Variants in ECHDC2 observed in about 807,000 individuals in gnomAD.
ECHDC2 encodes enoyl-CoA hydratase domain-containing protein 2, mitochondrial.
Under a neutral mutation model 40.6 loss-of-function variants are expected in ECHDC2, and 34 were observed. That is an observed-to-expected ratio of 0.84 (90% CI 0.64 to 1.11). ECHDC2 has a LOEUF of 1.11. ECHDC2 is among the 50% of genes most tolerant of loss of function. ECHDC2 has a pLI of 0.00. For missense variants in ECHDC2, 392 were observed against 400.7 expected, an observed-to-expected ratio of 0.98 and a Z score of 0.19; for synonymous variants, 162 against 166.6, an observed-to-expected ratio of 0.97 and a Z score of 0.21.
chr1:52,897,047 G>C (rs972013328), intron 9 of ECHDC2: 4 of 312,156 alleles, frequency 1.3e-5, no homozygotes, highest in South Asian at 6.4e-5. Context: ...AGATTTAATA[G>C]GTCAGTCCCA....
At chr1:52,911,702 C>CT (rs776049953) in intron 2 of ECHDC2, 21 bp downstream of exon 2, 1 of 1,614,202 alleles carries the variant, frequency 6.2e-7, no homozygotes, top group South Asian at 1.1e-5. Context: ...CCAGCCCACC[C>CT]TGGCGCCCGC....
At chr1:52,905,175 C>A in intron 5 of ECHDC2, 85 bp from the exon 6 acceptor site, 1 of 1,440,938 alleles carries the variant, frequency 6.9e-7, no homozygotes, top group Non-Finnish European at 9.6e-7. Context: ...CCTCTGCTGT[C>A]TACTCGCCCC....
chr1:52,897,661 C>G (rs1381155930), intron 8 of ECHDC2, 177 bp from the exon 9 acceptor site: 1 of 668,782 alleles, frequency 1.5e-6, no homozygotes. Flanking sequence ...CTGGGAGAAA[C>G]GAGACAGACT....
At chr1:52,919,099 T>A (rs900633880) in intron 1 of ECHDC2, among the ~76,000 whole-genome samples, 1 of 152,130 alleles carries the variant, frequency 6.6e-6, no homozygotes, top group African/African-American at 2.4e-5. Context: ...TGCCTGATGA[T>A]CTGAGGTGGA....
At chr1:52,913,191 TG>T (rs1342297464) in intron 1 of ECHDC2, 3 of 152,208 alleles carry the variant, frequency 2.0e-5, no homozygotes, top group Non-Finnish European at 4.4e-5. Flanking sequence ...TTTTGCTAAC[TG>T]CACAATCACG....
chr1:52,899,877 T>G (rs1646879219), intron 7 of ECHDC2: 1 of 152,348 alleles, frequency 6.6e-6, no homozygotes, highest in Admixed American at 6.5e-5. Context: ...GTCACTGGCC[T>G]TGGTTCCACA....
At chr1:52,909,178 C>T (rs549623321) in intron 3 of ECHDC2, among the ~76,000 whole-genome samples, 1 of 152,150 alleles carries the variant, frequency 6.6e-6, no homozygotes, top group Admixed American at 6.5e-5. Flanking sequence ...GGAGTGTAAA[C>T]CCATGCAGCT....
chr1:52,921,584 G>T lies in ECHDC2; in HGVS notation c.90C>A (p.Ile30=). Reference sequence around the variant, plus strand: ...CCGGACCCGCCAGGGCGCGCACTTGGATCTCTGAGCCCCCGGCCGCCCCGT... The same window carrying T: ...CCGGACCCGCCAGGGCGCGCACTTGTATCTCTGAGCCCCCGGCCGCCCCGT... ...ASDGAAGGSE[I]QVRALAGPDQ... Residue 30 remains isoleucine (I), a synonymous_variant, in exon 1 of 10, where the codon ATC becomes ATA. Transcript: ENST00000371522. The T allele has an allele frequency of 6.2e-7, 1 of 1,609,000 alleles. No individual in the cohort carries two copies. The highest frequency in any genetic ancestry group is 8.5e-7 in the Non-Finnish European group (1 of 1,178,338).
chr1:52,921,446 C>G (rs1399489727), intron 1 of ECHDC2, 107 bp downstream of exon 1: 1 of 1,452,510 alleles, frequency 6.9e-7, no homozygotes, highest in African/African-American at 1.4e-5. Flanking sequence ...GAGGGAGGGA[C>G]TGGGGATCGA....
chr1:52,897,713 G>T, intron 8 of ECHDC2: 3 of 596,954 alleles, frequency 5.0e-6, no homozygotes, highest in South Asian at 1.9e-5. Flanking sequence ...TTCCCATCCG[G>T]CTGCCTCACC....
rs111401025 is a variant in ECHDC2, at chr1:52,905,027, C to T, written c.514+7G>A. 64 of 1,614,138 alleles carry T rather than the reference C, an allele frequency of 4.0e-5. 4 individuals carry two copies. Among genetic ancestry groups the T allele is most frequent in the African/African-American group, 3.3e-4 (25 of 75,032 alleles). On this transcript the variant is annotated splice_region_variant and intron_variant, in intron 6 of 9. Coordinates refer to ENST00000371522, the MANE Select transcript of ECHDC2 (RefSeq NM_001198961.2). ...TGGAATTGGGCGGGTGCTGTAGTTG[C>T]GATTACCTGCCCCCGGGAGGAGCCC... is the stretch of plus-strand genomic sequence containing the variant.
At chr1:52,917,685 C>T (rs1478280664) in intron 1 of ECHDC2, 2 of 455,826 alleles carry the variant, frequency 4.4e-6, no homozygotes, top group African/African-American at 4.0e-5. Flanking sequence ...TGGTCAGCTA[C>T]AGACCACATA....
intron 3 of ECHDC2, among the ~76,000 whole-genome samples, chr1:52,910,201 CT>C (rs1649040687): frequency 6.6e-6 from 1 of 151,734 alleles, no homozygotes; most frequent in Non-Finnish European, 1.5e-5. Context: ...TCTGAACAGG[CT>C]GAGTTTGTTT....
chr1:52,906,449 C>T, intron 5 of ECHDC2, 70 bp downstream of exon 5: 1 of 1,289,038 alleles, frequency 7.8e-7, no homozygotes, highest in Non-Finnish European at 1.1e-6. Flanking sequence ...GCAGAATGTC[C>T]AGACTCACCC....
chr1:52,896,973 C>T (rs1258561876), intron 9 of ECHDC2: 3 of 295,970 alleles, frequency 1.0e-5, no homozygotes, highest in Non-Finnish European at 1.9e-5. Context: ...CCCAGGACCC[C>T]TTAGGAGTAT....
rs1162296382 is a variant in ECHDC2, at chr1:52,897,457, C to CA, written c.780dup (p.Glu261Ter). 13 of 1,614,228 alleles carry CA rather than the reference C, an allele frequency of 8.1e-6. No homozygotes were observed. The highest frequency in any genetic ancestry group is 1.1e-5 in the Non-Finnish European group (13 of 1,180,036). On this transcript the variant is annotated frameshift_variant, in exon 9 of 10. Transcript: ENST00000371522. LOFTEE classifies it high-confidence loss of function. ...CATACCTGGGCATAGCACATCCCTT[C>CA]AATGGCCATCCCAGATGCAATGTCC...
chr1:52,920,555 G>A lies in ECHDC2; in HGVS notation c.121+998C>T. On this transcript the variant is annotated intron_variant, in intron 1 of 9. Coordinates refer to ENST00000371522, the MANE Select transcript of ECHDC2 (RefSeq NM_001198961.2). The stretch of plus-strand genomic sequence containing the variant: ...TAAAATGGAAGGCCACGGGGAAGGG[G>A]CCCTTGGCCACAAGTGGAATTAAGA... 4 of 1,404,168 alleles carry A rather than the reference G, an allele frequency of 2.8e-6. No individual in the cohort carries two copies. In the South Asian group the frequency reaches 4.7e-5, roughly 16 times the overall value. The allele number at this position is 1,404,168 out of a possible 1,614,324, so 87.0% of individuals were successfully genotyped here. A position where few individuals can be genotyped will look rare whatever the true frequency, so the allele number is the denominator to read the frequency against.
chr1:52,920,651 C>A, intron 1 of ECHDC2: 1 of 755,866 alleles, frequency 1.3e-6, no homozygotes, highest in South Asian at 1.7e-5. Context: ...AGTATTTAAA[C>A]CTCTCTATTC....
At position 52,908,401 on chromosome 1, in the gene ECHDC2, G is replaced by A. The variant is rs145619348; in HGVS notation, c.278-447C>T. ...CTATAATCCCAGCTACTCAGGTGGC[G>A]GAGGCAGGAGAATCACCTGAACCCA... On this transcript the variant is annotated intron_variant, in intron 3 of 9. Coordinates refer to ENST00000371522, the MANE Select transcript of ECHDC2 (RefSeq NM_001198961.2). 4.3e-3 allele frequency among the ~76,000 whole-genome samples: 654 copies of A among 151,912 alleles called. 2 individuals carry two copies. The Middle Eastern group carries it at 0.065, about 15-fold the overall frequency.
Sources: allele counts gnomAD v4.1 joint callset (sites outside exome capture counted in the v4.1 genomes callset), GRCh38; gene constraint gnomAD v4.1.1; transcripts MANE v1.5; gene names NCBI Gene and HGNC (gene_info 2026-07-23, HGNC 2026-07-21).